The following EXOC6B variants were observed in gnomAD, a reference collection of about 807,000 sequenced individuals.
EXOC6B encodes the protein SEC15 homolog B.
In EXOC6B, 54 loss-of-function variants were observed where a neutral mutation model predicts 113.5. The ratio of observed to expected loss-of-function variants is 0.48; its 90% CI spans 0.38 to 0.60. The LOEUF is 0.60. Among genes scored for constraint, EXOC6B ranks in the 20% least tolerant of loss-of-function variants. The probability of loss-of-function intolerance (pLI) is 0.00; values close to 1 mark genes in which losing one functional copy is unlikely to be tolerated. For missense variants in EXOC6B, 797 were observed against 977.5 expected (o/e 0.82, Z 2.46); for synonymous variants, 357 against 339.0 (o/e 1.05, Z -0.58).
intron 1 of EXOC6B, among the ~76,000 whole-genome samples, chr2:72,805,546 A>C (rs1051393627): frequency 1.2e-4 from 18 of 152,216 alleles, no homozygotes; most frequent in African/African-American, 3.4e-4. Flanking sequence ...TATGCTATAC[A>C]ACATGATGTT....
chr2:72,350,397 A>C (rs753745863), intron 19 of EXOC6B, among the ~76,000 whole-genome samples: 2 of 152,216 alleles, frequency 1.3e-5, no homozygotes, highest in African/African-American at 2.4e-5. Flanking sequence ...TCTAACATCC[A>C]GGCTAAATTT....
chr2:72,709,476 T>C (rs1396933922), intron 6 of EXOC6B, among the ~76,000 whole-genome samples: 2 of 152,010 alleles, frequency 1.3e-5, no homozygotes, highest in African/African-American at 4.8e-5. Context: ...GTGGCAGGGG[T>C]CGAGGGTTGC....
chr2:72,362,466 T>G (rs1055108357), intron 19 of EXOC6B, among the ~76,000 whole-genome samples: 1 of 152,180 alleles, frequency 6.6e-6, no homozygotes, highest in South Asian at 2.1e-4. Flanking sequence ...GAAATAATTA[T>G]AATTAATTAT....
chr2:72,621,653 T>A (rs558389570), intron 6 of EXOC6B, among the ~76,000 whole-genome samples: 3 of 152,054 alleles, frequency 2.0e-5, no homozygotes, highest in African/African-American at 7.2e-5. Flanking sequence ...ATATATATAT[T>A]TTTTCCTTTT....
At chr2:72,513,648 C>A (rs936937520) in intron 10 of EXOC6B, among the ~76,000 whole-genome samples, 1 of 150,868 alleles carries the variant, frequency 6.6e-6, no homozygotes, top group African/African-American at 2.4e-5. Context: ...ATATATACAT[C>A]ATATATATAT....
At chr2:72,287,388 G>A (rs1240818640) in intron 20 of EXOC6B, among the ~76,000 whole-genome samples, 3 of 148,860 alleles carry the variant, frequency 2.0e-5, no homozygotes, top group African/African-American at 2.5e-5. Context: ...CAGTGATCAC[G>A]CCACTGCACT....
chr2:72,676,505 G>GA (rs904088972), intron 6 of EXOC6B, among the ~76,000 whole-genome samples: 10 of 150,880 alleles, frequency 6.6e-5, no homozygotes, highest in East Asian at 1.9e-4. Flanking sequence ...TACGCAGTAA[G>GA]AAAAAAAAAT....
chr2:72,223,580 C>T (rs980183397), intron 20 of EXOC6B, among the ~76,000 whole-genome samples: 24 of 152,196 alleles, frequency 1.6e-4, no homozygotes, highest in African/African-American at 5.8e-4. Flanking sequence ...ATGAAAAGGG[C>T]TTTTTTGAAT....
chr2:72,536,721 C>T lies in EXOC6B; in HGVS notation c.916-21595G>A, dbSNP rs527690578. ...TAAGAGAGCTTCTTTGAGATATGGGCCATCACAATGTGGCCTCAAGTCTTG... is the reference window on the plus strand; with the variant it reads ...TAAGAGAGCTTCTTTGAGATATGGGTCATCACAATGTGGCCTCAAGTCTTG... On this transcript the variant is annotated intron_variant, in intron 8 of 21. Coordinates refer to ENST00000272427, the MANE Select transcript of EXOC6B (RefSeq NM_015189.3). Among the ~76,000 whole-genome samples, 15 of 152,288 alleles carry T rather than the reference C, an allele frequency of 9.8e-5. No individual in the cohort carries two copies. In the South Asian group the frequency reaches 2.5e-3, roughly 25 times the overall value.
At chr2:72,545,824 T>C (rs1702866617) in intron 8 of EXOC6B, among the ~76,000 whole-genome samples, 3 of 152,198 alleles carry the variant, frequency 2.0e-5, no homozygotes, top group Non-Finnish European at 4.4e-5. Flanking sequence ...TTTTAGACTC[T>C]TGAGTTATTT....
intron 1 of EXOC6B, among the ~76,000 whole-genome samples, chr2:72,742,127 A>AT (rs1174315082): frequency 3.3e-5 from 5 of 152,262 alleles, no homozygotes; most frequent in African/African-American, 9.6e-5. Context: ...TCTACTTTAC[A>AT]TTTGTAGCTC....
At chr2:72,418,582 C>A (rs111407806) in intron 18 of EXOC6B, among the ~76,000 whole-genome samples, 55 of 152,208 alleles carry the variant, frequency 3.6e-4, no homozygotes, top group African/African-American at 1.3e-3. Context: ...TTTCTTGCAA[C>A]CTTTATTGAT....
At chr2:72,294,242 G>A (rs183899129) in intron 20 of EXOC6B, among the ~76,000 whole-genome samples, 241 of 152,094 alleles carry the variant, frequency 1.6e-3, no homozygotes, top group Non-Finnish European at 2.9e-3. Context: ...TGGTTTGTAT[G>A]GGGAGGCCTA....
At chr2:72,193,767 C>T (rs1360582638) in intron 20 of EXOC6B, among the ~76,000 whole-genome samples, 2 of 152,042 alleles carry the variant, frequency 1.3e-5, no homozygotes, top group Non-Finnish European at 2.9e-5. Context: ...TGGGAATAAC[C>T]AAGACAAATG....
At chr2:72,550,730 C>T (rs981072357) in intron 8 of EXOC6B, among the ~76,000 whole-genome samples, 1 of 152,080 alleles carries the variant, frequency 6.6e-6, no homozygotes, top group African/African-American at 2.4e-5. Context: ...CTTAGGACTA[C>T]ATATGGTCAT....
At chr2:72,483,676 T>C (rs1699243129) in intron 16 of EXOC6B, among the ~76,000 whole-genome samples, 2 of 152,202 alleles carry the variant, frequency 1.3e-5, no homozygotes, top group South Asian at 4.1e-4. Context: ...TATTGTCTGT[T>C]AACGAGGACT....
intron 18 of EXOC6B, among the ~76,000 whole-genome samples, chr2:72,458,039 T>C (rs1198328943): frequency 6.6e-6 from 1 of 152,046 alleles, no homozygotes; most frequent in African/African-American, 2.4e-5. Flanking sequence ...AAAATATCCC[T>C]GAGAATTAAG....
At chr2:72,778,698 G>C (rs999125694) in intron 1 of EXOC6B, among the ~76,000 whole-genome samples, 2 of 152,106 alleles carry the variant, frequency 1.3e-5, no homozygotes, top group African/African-American at 4.8e-5. Context: ...TACAAATCAT[G>C]ACTAAGATTT....
At chr2:72,246,181 G>A (rs1364002573) in intron 20 of EXOC6B, among the ~76,000 whole-genome samples, 1 of 152,098 alleles carries the variant, frequency 6.6e-6, no homozygotes, top group Non-Finnish European at 1.5e-5. Context: ...GAACCACCAT[G>A]TCCAGCCTTG....
Sources: gnomAD v4.1 joint callset for allele counts (sites outside exome capture counted in the v4.1 genomes callset) on GRCh38, gnomAD v4.1.1 for gene constraint, MANE v1.5 for transcripts, NCBI Gene and HGNC (gene_info 2026-07-23, HGNC 2026-07-21) for gene names.